Variants in U2AF2 observed in about 807,000 individuals in gnomAD.
U2AF2 encodes the protein splicing factor U2AF 65 kDa subunit.
In U2AF2, 6 loss-of-function variants were observed where a neutral mutation model predicts 52.6. That is an observed-to-expected ratio of 0.11 (90% CI 0.06 to 0.23). U2AF2 has a LOEUF of 0.23. U2AF2 is among the 10% of genes least tolerant of loss of function. The probability of loss-of-function intolerance (pLI) is 1.00; values close to 1 mark genes in which losing one functional copy is unlikely to be tolerated. For synonymous variants in U2AF2, 284 were observed against 258.2 expected (o/e 1.10, Z -0.96); for missense variants, 222 against 677.1 (o/e 0.33, Z 7.46).
Position 55,674,131 on chromosome 19 carries a change from C to A in U2AF2, c.*63C>A. ...GGCTTCTCCCCACTCCCGCCCCCCC[C>A]TTATCCCCCTCTGAAGACGATGGGC... On this transcript the variant is annotated 3_prime_UTR_variant, in exon 12 of 12. Transcript: ENST00000308924. 9 of 1,501,994 alleles carry A rather than the reference C, an allele frequency of 6.0e-6. No individual in the cohort carries two copies. In the South Asian group the frequency reaches 1.2e-4, roughly 19 times the overall value. 93.0% of individuals were successfully genotyped at this position (1,501,994 alleles called of 1,614,324 possible).
intron 11 of U2AF2, 57 bp downstream of exon 11, chr19:55,669,749 C>T (rs576951858): frequency 3.3e-6 from 5 of 1,516,278 alleles, no homozygotes; most frequent in Non-Finnish European, 4.4e-6. Context: ...CTTCTCCGCG[C>T]CCTCTTTCTT....
Position 55,674,140 on chromosome 19 carries a change from CT to C in U2AF2, c.*73del. 6.9e-7 allele frequency: 1 copy of C among 1,456,900 alleles called. No individual in the cohort carries two copies. The highest frequency in any genetic ancestry group is 1.4e-5 in the South Asian group (1 of 73,224). 90.2% of individuals were successfully genotyped at this position (1,456,900 alleles called of 1,614,324 possible). On this transcript the variant is annotated 3_prime_UTR_variant, in exon 12 of 12. Transcript: ENST00000308924. ...CCACTCCCGCCCCCCCCTTATCCCCCTCTGAAGACGATGGGCAGAGGAGTGA... is the reference window on the plus strand; with the variant it reads ...CCACTCCCGCCCCCCCCTTATCCCCCCTGAAGACGATGGGCAGAGGAGTGA...
Position 55,669,431 on chromosome 19 carries a change from C to G in U2AF2, c.1045-13C>G. 6.3e-7 allele frequency: 1 copy of G among 1,586,744 alleles called. No homozygotes were observed. The highest frequency in any genetic ancestry group is 8.6e-7 in the Non-Finnish European group (1 of 1,163,632). ...GGCCCCCTGTGACGCCGCTGCCTCC[C>G]CTGGCCCCACAGAGCACCATCAATC... On this transcript the variant is annotated splice_polypyrimidine_tract_variant and intron_variant, in intron 10 of 11. Coordinates refer to ENST00000308924, the MANE Select transcript of U2AF2 (RefSeq NM_007279.3).
chr19:55,669,789 C>T (rs1984770776), intron 11 of U2AF2, 97 bp downstream of exon 11: 1 of 1,450,422 alleles, frequency 6.9e-7, no homozygotes, highest in South Asian at 1.4e-5. Context: ...CTCTCCCCCT[C>T]CTCTTCTCCG....
At chr19:55,660,657 T>A (rs746288780) in intron 4 of U2AF2, 38 bp downstream of exon 4, 1 of 1,579,704 alleles carries the variant, frequency 6.3e-7, no homozygotes, top group South Asian at 1.1e-5. Flanking sequence ...AGCGGGAGGG[T>A]ACAGGGGTTG....
intron 7 of U2AF2, among the ~76,000 whole-genome samples, chr19:55,664,544 C>T (rs952510549): frequency 6.6e-6 from 1 of 152,150 alleles, no homozygotes; most frequent in African/African-American, 2.4e-5. Context: ...GGCTGTGTCT[C>T]AGGCCTGGGA....
At chr19:55,659,116 C>A in intron 1 of U2AF2, 94 bp from the exon 2 acceptor site, 2 of 1,387,060 alleles carry the variant, frequency 1.4e-6, no homozygotes, top group African/African-American at 1.5e-5. Context: ...GGTGGCCTCC[C>A]TGGGGCTTGG....
At chr19:55,669,007 G>A in intron 9 of U2AF2, 76 bp from the exon 10 acceptor site, 7 of 1,543,852 alleles carry the variant, frequency 4.5e-6, no homozygotes, top group Non-Finnish European at 5.3e-6. Flanking sequence ...GCCCCGGCTT[G>A]GGGGTAGGTG....
chr19:55,662,456 A>AC, intron 5 of U2AF2, 46 bp from the exon 6 acceptor site: 1 of 279,762 alleles, frequency 3.6e-6, no homozygotes, highest in Non-Finnish European at 6.1e-6. Context: ...TCCTCTCTCC[A>AC]CCTCCCTTCC....
At chr19:55,657,699 G>A (rs1017965922) in intron 1 of U2AF2, among the ~76,000 whole-genome samples, 1 of 152,162 alleles carries the variant, frequency 6.6e-6, no homozygotes, top group African/African-American at 2.4e-5. Flanking sequence ...CCTTCAAGGG[G>A]ACAATTATAT....
chr19:55,658,756 CT>C, intron 1 of U2AF2: 1 of 156,432 alleles, frequency 6.4e-6, no homozygotes, highest in East Asian at 1.9e-4. Context: ...CACCTGACCC[CT>C]AGTCCTGATG....
intron 1 of U2AF2, among the ~76,000 whole-genome samples, chr19:55,656,563 A>G (rs114904132): frequency 1.0e-3 from 159 of 152,318 alleles, no homozygotes; most frequent in African/African-American, 3.5e-3. Flanking sequence ...AAAAAGGATG[A>G]TAGTAACGAT....
intron 7 of U2AF2, among the ~76,000 whole-genome samples, chr19:55,666,875 TCA>T (rs1418472740): frequency 6.6e-6 from 1 of 152,128 alleles, no homozygotes; most frequent in African/African-American, 2.4e-5. Context: ...CTGTGGGGAG[TCA>T]CAGCTGAGTG....
chr19:55,667,504 T>A (rs1301103550), intron 7 of U2AF2, among the ~76,000 whole-genome samples: 1 of 152,184 alleles, frequency 6.6e-6, no homozygotes, highest in Non-Finnish European at 1.5e-5. Context: ...GGCACTTGTC[T>A]GTGAGTCCAG....
chr19:55,663,594 T>C lies in U2AF2; in HGVS notation c.604-12T>C, dbSNP rs775485746. On this transcript the variant is annotated splice_polypyrimidine_tract_variant and intron_variant, in intron 6 of 11. Coordinates refer to ENST00000308924, the MANE Select transcript of U2AF2 (RefSeq NM_007279.3). ...ACCCCCATCCCTCACCACTCCTTTCTCTTTCATTCAGTTCCGCTCAGTGGA... is the reference window on the plus strand; with the variant it reads ...ACCCCCATCCCTCACCACTCCTTTCCCTTTCATTCAGTTCCGCTCAGTGGA... 79 of 1,612,442 alleles carry C rather than the reference T, an allele frequency of 4.9e-5. No individual in the cohort carries two copies. The highest frequency in any genetic ancestry group is 6.4e-5 in the Non-Finnish European group (75 of 1,178,754).
chr19:55,664,746 C>T (rs1984434662), intron 7 of U2AF2, among the ~76,000 whole-genome samples: 1 of 152,156 alleles, frequency 6.6e-6, no homozygotes. Context: ...TTGAGACAGT[C>T]TCGCTCTGTC....
intron 7 of U2AF2, 64 bp downstream of exon 7, chr19:55,663,808 C>A (rs916535266): frequency 6.3e-7 from 1 of 1,596,412 alleles, no homozygotes; most frequent in African/African-American, 1.3e-5. Context: ...CCTGTCCATC[C>A]CTTCAGCCCA....
chr19:55,668,603 C>T lies in U2AF2; in HGVS notation c.822+17C>T, dbSNP rs755180442. 1.9e-6 allele frequency: 3 copies of T among 1,599,324 alleles called. No homozygotes were observed. The highest frequency in any genetic ancestry group is 1.1e-5 in the South Asian group (1 of 89,554). On this transcript the variant is annotated intron_variant, in intron 8 of 11. Coordinates refer to ENST00000308924, the MANE Select transcript of U2AF2 (RefSeq NM_007279.3). This position sits in a 1 kb window ranked among gnomAD's most constrained non-coding sequence, Gnocchi z 5.5. ...GATGACCAGGTAACTTCCCTGCCTCCCTCCAGACCCGTCCCCCCACCCCGC... is the reference window on the plus strand; with the variant it reads ...GATGACCAGGTAACTTCCCTGCCTCTCTCCAGACCCGTCCCCCCACCCCGC...
At chr19:55,662,458 CTCCCT>C in intron 5 of U2AF2, 39 bp from the exon 6 acceptor site, 2 of 969,260 alleles carry the variant, frequency 2.1e-6, no homozygotes, top group Non-Finnish European at 3.1e-6. Context: ...CTCTCTCCAC[CTCCCT>C]TCCCCCGCCC....
Sources: gnomAD v4.1 joint callset for allele counts (sites outside exome capture counted in the v4.1 genomes callset) on GRCh38, gnomAD v4.1.1 for gene constraint, Gnocchi (gnomAD v3.1) non-coding constraint, MANE v1.5 for transcripts, NCBI Gene and HGNC (gene_info 2026-07-23, HGNC 2026-07-21) for gene names.